The following CA10 variants were observed in gnomAD, a reference collection of about 807,000 sequenced individuals.
CA10 encodes the protein carbonic anhydrase-related protein 10.
A neutral mutation model predicts 44.2 loss-of-function variants in CA10; 14 were observed. The observed-to-expected ratio is 0.32, with a 90% confidence interval of 0.21 to 0.50. CA10 has a LOEUF of 0.50. Among genes scored for constraint, CA10 ranks in the 20% least tolerant of loss-of-function variants. CA10 has a pLI of 0.99. For synonymous variants in CA10, 159 were observed against 141.6 expected (o/e 1.12, Z -0.87); for missense variants, 350 against 409.7 (o/e 0.85, Z 1.26).
chr17:51,878,143 CAAAAAAAAAAAAAAA>C (rs558014863), intron 3 of CA10, among the ~76,000 whole-genome samples: 1 of 63,686 alleles, frequency 1.6e-5, no homozygotes, highest in African/African-American at 6.5e-5. Context: ...GACTCCGTCT[CAAAAAAAAAAAAAAA>C]AAAAAAAAAG....
chr17:52,017,689 G>C (rs1271732376), intron 2 of CA10, among the ~76,000 whole-genome samples: 4 of 152,100 alleles, frequency 2.6e-5, no homozygotes, highest in African/African-American at 9.7e-5. Flanking sequence ...TTACAGCCTG[G>C]CCACATAGTA....
chr17:51,932,911 TA>T (rs1018072348), intron 2 of CA10, among the ~76,000 whole-genome samples: 10 of 103,882 alleles, frequency 9.6e-5, no homozygotes, highest in Non-Finnish European at 1.9e-4. Context: ...TACTTTTTTT[TA>T]AAAAAAACAC....
chr17:51,853,699 G>A (rs1226688037), intron 3 of CA10, among the ~76,000 whole-genome samples: 2 of 152,248 alleles, frequency 1.3e-5, no homozygotes, highest in African/African-American at 2.4e-5. Context: ...TAATCTCCAC[G>A]TGTCGCGGGA....
At chr17:52,094,106 G>T (rs553513067) in intron 1 of CA10, among the ~76,000 whole-genome samples, 1 of 152,200 alleles carries the variant, frequency 6.6e-6, no homozygotes, top group East Asian at 1.9e-4. Flanking sequence ...AGAACACATG[G>T]ACACAGGGAG....
intron 2 of CA10, among the ~76,000 whole-genome samples, chr17:51,972,160 A>G (rs573602356): frequency 1.3e-4 from 20 of 152,256 alleles, no homozygotes; most frequent in African/African-American, 4.8e-4. Context: ...AATCAAAAAA[A>G]GAACAAGATT....
At chr17:51,907,791 C>T (rs762616715) in intron 3 of CA10, among the ~76,000 whole-genome samples, 28 of 152,138 alleles carry the variant, frequency 1.8e-4, no homozygotes, top group African/African-American at 4.3e-4. Context: ...GCCTGCTTCA[C>T]GGTCCATTCC....
At chr17:52,142,664 C>G (rs760846305) in intron 1 of CA10, among the ~76,000 whole-genome samples, 7 of 152,176 alleles carry the variant, frequency 4.6e-5, no homozygotes, top group Non-Finnish European at 7.3e-5. Context: ...GTCACCTACA[C>G]AATCTTTCCC....
intron 2 of CA10, among the ~76,000 whole-genome samples, chr17:52,049,320 G>A (rs963663078): frequency 1.2e-4 from 18 of 151,988 alleles, no homozygotes; most frequent in Admixed American, 9.8e-4. Context: ...CTAGCTATGC[G>A]GCCTTGAGTA....
chr17:52,092,368 C>T (rs1189814145), intron 1 of CA10, among the ~76,000 whole-genome samples: 3 of 152,140 alleles, frequency 2.0e-5, no homozygotes, highest in East Asian at 1.9e-4. Flanking sequence ...AAACCAAAAA[C>T]TTTTCTTATA....
chr17:52,148,722 C>A (rs1458821906), intron 1 of CA10, among the ~76,000 whole-genome samples: 1 of 152,108 alleles, frequency 6.6e-6, no homozygotes, highest in Non-Finnish European at 1.5e-5. Context: ...CATTATTGAG[C>A]ATTTTCTAAA....
At chr17:51,638,577 C>A (rs1389189995) in intron 6 of CA10, among the ~76,000 whole-genome samples, 1 of 152,168 alleles carries the variant, frequency 6.6e-6, no homozygotes, top group Non-Finnish European at 1.5e-5. Flanking sequence ...AGGGGCCAAC[C>A]CAATAAGTTA....
chr17:52,084,323 T>A (rs1156501001), intron 1 of CA10, among the ~76,000 whole-genome samples: 1 of 152,344 alleles, frequency 6.6e-6, no homozygotes, highest in East Asian at 1.9e-4. Context: ...ATGTATATCA[T>A]AGCTCAACAT....
chr17:51,994,044 G>A (rs1420758928), intron 2 of CA10, among the ~76,000 whole-genome samples: 3 of 151,886 alleles, frequency 2.0e-5, no homozygotes, highest in African/African-American at 7.3e-5. Context: ...GATACACATG[G>A]GCAGAAGGGA....
intron 2 of CA10, among the ~76,000 whole-genome samples, chr17:51,938,779 CT>C (rs1376306017): frequency 6.6e-6 from 1 of 152,018 alleles, no homozygotes; most frequent in African/African-American, 2.4e-5. Context: ...TTAACAAGCT[CT>C]GTGCTAGGAA....
chr17:52,046,188 A>C (rs1235245927), intron 2 of CA10, among the ~76,000 whole-genome samples: 1 of 151,734 alleles, frequency 6.6e-6, no homozygotes, highest in Non-Finnish European at 1.5e-5. Flanking sequence ...ACTGAACCTA[A>C]AATAAAGAAA....
chr17:52,124,660 A>G lies in CA10; in HGVS notation c.61+33066T>C, dbSNP rs1407190681. ...TCATTATTCCCACAGTACCCAAACC[A>G]TGCTAACCTGGCAGGATCCCTTGTC... On this transcript the variant is annotated intron_variant, in intron 1 of 8. Transcript: ENST00000451037. Among the ~76,000 whole-genome samples the G allele has an allele frequency of 2.0e-5, 3 of 152,152 alleles. No individual in the cohort carries two copies. In the East Asian group the frequency reaches 5.8e-4, roughly 29 times the overall value.
Position 51,699,182 on chromosome 17 carries a change from G to T in CA10, c.466-45446C>A, listed in dbSNP as rs112715764. Among the ~76,000 whole-genome samples the T allele has an allele frequency of 7.7e-3, 1,165 of 152,144 alleles. 18 individuals are homozygous for T. The highest frequency in any genetic ancestry group is 0.027 in the African/African-American group (1,123 of 41,504). ...CTAAAAATACAAAAAAATTACCCAGGTATGGTGGCGGGCACTTGTAATCCC... is the reference window on the plus strand; with the variant it reads ...CTAAAAATACAAAAAAATTACCCAGTTATGGTGGCGGGCACTTGTAATCCC... On this transcript the variant is annotated intron_variant, in intron 4 of 8. Transcript: ENST00000451037.
At chr17:52,108,699 C>CAAAAAAAA (rs759411898) in intron 1 of CA10, among the ~76,000 whole-genome samples, 9 of 91,840 alleles carry the variant, frequency 9.8e-5, no homozygotes, top group Admixed American at 2.3e-4. Flanking sequence ...GACTCCGTCT[C>CAAAAAAAA]AAAAAAAAAA....
chr17:51,865,728 G>A (rs1160526306), intron 3 of CA10, among the ~76,000 whole-genome samples: 1 of 152,240 alleles, frequency 6.6e-6, no homozygotes, highest in African/African-American at 2.4e-5. Flanking sequence ...ATCAGTGCTA[G>A]AGCTAAGCTT....
Sources: allele counts gnomAD v4.1 joint callset (sites outside exome capture counted in the v4.1 genomes callset), GRCh38; gene constraint gnomAD v4.1.1; transcripts MANE v1.5; gene names NCBI Gene and HGNC (gene_info 2026-07-23, HGNC 2026-07-21).